OSBPL1A: variants seen among roughly 807,000 people sequenced by gnomAD.
OSBPL1A encodes the protein oxysterol binding protein like 1A.
A neutral mutation model predicts 137.1 loss-of-function variants in OSBPL1A; 80 were observed. That is an observed-to-expected ratio of 0.58 (90% confidence interval 0.49 to 0.70). The LOEUF is 0.70. Among genes scored for constraint, OSBPL1A ranks in the 30% least tolerant of loss-of-function variants. The probability of loss-of-function intolerance (pLI) is 0.00; values close to 1 mark genes in which losing one functional copy is unlikely to be tolerated. For missense variants in OSBPL1A, 970 were observed against 1,129.4 expected, an observed-to-expected ratio of 0.86 and a Z score of 2.02; for synonymous variants, 365 against 389.7, an observed-to-expected ratio of 0.94 and a Z score of 0.75.
intron 1 of OSBPL1A, among the ~76,000 whole-genome samples, chr18:24,378,209 T>C (rs1265827286): frequency 6.6e-6 from 1 of 152,188 alleles, no homozygotes; most frequent in Non-Finnish European, 1.5e-5. Context: ...TTCTTACTAA[T>C]AATCAAATAA....
intron 15 of OSBPL1A, among the ~76,000 whole-genome samples, chr18:24,252,860 T>C (rs1303236241): frequency 6.6e-6 from 1 of 151,540 alleles, no homozygotes; most frequent in Non-Finnish European, 1.5e-5. Flanking sequence ...TTAGTTTTCT[T>C]TTTGCATGTT....
intron 14 of OSBPL1A, 32 bp from the exon 15 acceptor site, chr18:24,280,980 G>T (rs1346199430): frequency 2.8e-6 from 4 of 1,440,644 alleles, no homozygotes; most frequent in Non-Finnish European, 3.8e-6. Context: ...CAGTGAGTCG[G>T]ATTTTAAGGA....
In OSBPL1A at chr18:24,334,261, G is replaced by A; in HGVS notation, c.464C>T (p.Thr155Ile). Residue 155 changes from threonine (T) to isoleucine (I), a missense_variant, in exon 6 of 28, where the codon ACA becomes ATA. Transcript: ENST00000319481. ...TTGTTTTACCAGAGCTGTGAGTTCT[G>A]TTGTTTTGCCTTCTCTTGCTGCTGC... ...LLAAAREGKT[T>I]ELTALLNRPN... is the part of the protein sequence containing the mutation. The A allele has an allele frequency of 1.2e-6, 2 of 1,611,582 alleles. No individual in the cohort carries two copies. The highest frequency in any genetic ancestry group is 8.5e-7 in the Non-Finnish European group (1 of 1,179,248).
At chr18:24,237,098 C>CTA (rs1048289067) in intron 16 of OSBPL1A, among the ~76,000 whole-genome samples, 7 of 151,716 alleles carry the variant, frequency 4.6e-5, no homozygotes, top group Admixed American at 4.6e-4. Flanking sequence ...AAAAAAAAAT[C>CTA]TATATATATA....
In OSBPL1A at chr18:24,181,018, T is replaced by A. The variant is rs2086592902; in HGVS notation, c.1812+127A>T. On this transcript the variant is annotated intron_variant, in intron 19 of 27. Transcript: ENST00000319481. ...CAGAGGACAGTCCAGACATGCGGAC[T>A]GAGCTTTGATAAAATTGCCCAACCT... The A allele has an allele frequency of 2.6e-6, 3 of 1,142,450 alleles. No individual in the cohort carries two copies. In the South Asian group the frequency reaches 4.8e-5, roughly 18 times the overall value. The allele number at this position is 1,142,450 out of a possible 1,614,324, so 70.8% of individuals were successfully genotyped here.
At chr18:24,288,369 A>G (rs1360029671) in intron 14 of OSBPL1A, among the ~76,000 whole-genome samples, 1 of 152,202 alleles carries the variant, frequency 6.6e-6, no homozygotes, top group African/African-American at 2.4e-5. Flanking sequence ...ATTATACCCT[A>G]AGGCACTGAA....
At chr18:24,232,452 C>T (rs183982926) in intron 16 of OSBPL1A, among the ~76,000 whole-genome samples, 13 of 152,198 alleles carry the variant, frequency 8.5e-5, no homozygotes, top group South Asian at 2.1e-4. Flanking sequence ...TTAAAAGTAC[C>T]GGCTCATCCC....
At chr18:24,281,481 G>A (rs2089956248) in intron 14 of OSBPL1A, among the ~76,000 whole-genome samples, 2 of 151,166 alleles carry the variant, frequency 1.3e-5, no homozygotes, top group Admixed American at 6.6e-5. Flanking sequence ...TTCACCTCCC[G>A]GGTTCAAGAG....
At chr18:24,194,421 T>C (rs1010532303) in intron 18 of OSBPL1A, among the ~76,000 whole-genome samples, 3 of 152,350 alleles carry the variant, frequency 2.0e-5, no homozygotes, top group East Asian at 1.9e-4. Flanking sequence ...TATATACATA[T>C]TTGCATACTG....
chr18:24,293,658 G>T (rs977325729), intron 14 of OSBPL1A, among the ~76,000 whole-genome samples: 1 of 152,176 alleles, frequency 6.6e-6, no homozygotes, highest in African/African-American at 2.4e-5. Context: ...CACACGAAAG[G>T]CCACTGGCAG....
At chr18:24,237,412 C>T (rs994353161) in intron 16 of OSBPL1A, among the ~76,000 whole-genome samples, 1 of 152,240 alleles carries the variant, frequency 6.6e-6, no homozygotes. Flanking sequence ...TTAAGCGATC[C>T]TCCCACCGCA....
chr18:24,163,401 C>G (rs7243112), intron 27 of OSBPL1A, 120 bp from the exon 28 acceptor site: 19,339 of 662,154 alleles, frequency 0.029, 2,163 homozygotes, highest in African/African-American at 0.28. Context: ...AGGGATAGTT[C>G]TAAAGAGATG....
At chr18:24,208,095 T>C (rs1368568573) in intron 17 of OSBPL1A, among the ~76,000 whole-genome samples, 1 of 152,216 alleles carries the variant, frequency 6.6e-6, no homozygotes, top group Non-Finnish European at 1.5e-5. Context: ...TATCTTTAAT[T>C]TCTATTGCTC....
chr18:24,301,620 TTTG>T (rs1428603873), intron 14 of OSBPL1A, among the ~76,000 whole-genome samples: 1 of 152,232 alleles, frequency 6.6e-6, no homozygotes, highest in African/African-American at 2.4e-5. Context: ...ATGTGTGAAT[TTTG>T]TTATGTGAAT....
intron 14 of OSBPL1A, among the ~76,000 whole-genome samples, chr18:24,300,028 G>T (rs1385788247): frequency 6.6e-6 from 1 of 152,140 alleles, no homozygotes; most frequent in African/African-American, 2.4e-5. Flanking sequence ...ATGGCCTTCA[G>T]GAAGTCTTCC....
intron 5 of OSBPL1A, among the ~76,000 whole-genome samples, chr18:24,340,051 A>T (rs1430548203): frequency 6.6e-6 from 1 of 152,228 alleles, no homozygotes; most frequent in Non-Finnish European, 1.5e-5. Context: ...ATTCCAAAGG[A>T]AAGAAAGGCT....
At chr18:24,360,550 C>T (rs193184129) in intron 4 of OSBPL1A, among the ~76,000 whole-genome samples, 240 of 152,228 alleles carry the variant, frequency 1.6e-3, no homozygotes, top group African/African-American at 5.6e-3. Context: ...CATGTAACTT[C>T]AGCTAAATGT....
chr18:24,230,262 A>C (rs1464201416), intron 16 of OSBPL1A, among the ~76,000 whole-genome samples: 1 of 152,038 alleles, frequency 6.6e-6, no homozygotes, highest in Non-Finnish European at 1.5e-5. Flanking sequence ...GGAGGGAGGA[A>C]TGGGGAGTTG....
At chr18:24,281,724 G>A (rs1052603708) in intron 14 of OSBPL1A, among the ~76,000 whole-genome samples, 8 of 152,090 alleles carry the variant, frequency 5.3e-5, no homozygotes, top group Admixed American at 3.3e-4. Flanking sequence ...TTAAGCACAC[G>A]CTTTATTTAG....
Sources: allele counts gnomAD v4.1 joint callset (sites outside exome capture counted in the v4.1 genomes callset), GRCh38; gene constraint gnomAD v4.1.1; transcripts MANE v1.5; gene names NCBI Gene and HGNC (gene_info 2026-07-23, HGNC 2026-07-21).